DSC3: variants seen among roughly 807,000 people sequenced by gnomAD.
The protein encoded by DSC3 is desmocollin 3, also known as desmocollin-3.
Under a neutral mutation model 89.5 loss-of-function variants are expected in DSC3, and 97 were observed. The observed-to-expected ratio is 1.08, with a 90% CI of 0.92 to 1.28. DSC3 has a LOEUF of 1.28. Among genes scored for constraint, DSC3 ranks in the 50% most tolerant of loss-of-function variants. The pLI, the probability that DSC3 is intolerant of heterozygous loss-of-function variation, is 0.00. For synonymous variants in DSC3, 436 were observed against 384.1 expected (o/e 1.14, Z -1.58); for missense variants, 1,199 against 1,085.3 (o/e 1.10, Z -1.47).
rs1567950936 is a variant in DSC3 at position 31,004,241 on chromosome 18, T to C, written c.2014A>G (p.Thr672Ala). 1.2e-6 allele frequency: 2 copies of C among 1,613,970 alleles called. No homozygotes were observed. The highest frequency in any genetic ancestry group is 8.5e-7 in the Non-Finnish European group (1 of 1,179,910). ...GTCGCACGACACTGAGTTGGATGAGTACATTCACACAGATTAACTCTCAAT... is the reference window on the plus strand; with the variant it reads ...GTCGCACGACACTGAGTTGGATGAGCACATTCACACAGATTAACTCTCAAT... ...KLLRVNLCEC[T>A]HPTQCRATSR... Residue 672 changes from threonine (T) to alanine (A), a missense_variant, in exon 13 of 16, where the codon ACT (threonine) becomes GCT (alanine). By Grantham distance (58) the Thr-to-Ala change is moderately conservative. Transcript: ENST00000360428.
chr18:31,020,499 A>G (rs889593902), intron 7 of DSC3, among the ~76,000 whole-genome samples: 2 of 152,140 alleles, frequency 1.3e-5, no homozygotes, highest in Non-Finnish European at 2.9e-5. Flanking sequence ...TGAAGTCATT[A>G]ATTTGTGGTA....
rs138949508 is a variant in DSC3 at position 31,025,794 on chromosome 18, C to A, written c.596G>T (p.Arg199Leu). Residue 199 changes from arginine to leucine, a missense_variant, in exon 5 of 16, where the codon CGG becomes CTG. Transcript: ENST00000360428. ...ERDTGNLFCTRPVDREEYDVF... is the reference protein window; with the variant it reads ...ERDTGNLFCTLPVDREEYDVF... ...ATCATATTCTTCACGATCCACAGGCCGAGTGCAAAATAGATTTCCAGTGTC... is the reference window on the plus strand; with the variant it reads ...ATCATATTCTTCACGATCCACAGGCAGAGTGCAAAATAGATTTCCAGTGTC... 5 of 1,612,956 alleles carry A rather than the reference C, an allele frequency of 3.1e-6. No individual in the cohort carries two copies. In the African/African-American group the frequency reaches 4.0e-5, roughly 13 times the overall value.
chr18:31,033,984 C>T (rs539283180), intron 1 of DSC3, among the ~76,000 whole-genome samples: 5 of 152,106 alleles, frequency 3.3e-5, no homozygotes, highest in South Asian at 4.1e-4. Flanking sequence ...CTACCACGAT[C>T]GGCTAATTTT....
Position 31,010,963 on chromosome 18 carries a change from G to A in DSC3, c.1264-2438C>T, listed in dbSNP as rs1038967241. Among the ~76,000 whole-genome samples the A allele has an allele frequency of 9.2e-5, 14 of 152,312 alleles. No homozygotes were observed. In the East Asian group the frequency reaches 2.3e-3, roughly 25 times the overall value. On this transcript the variant is annotated intron_variant, in intron 9 of 15. Transcript: ENST00000360428. Reference sequence around the variant, plus strand: ...ATAATAATATCCCACAGTTTACCAAGTGCTGTTACGTTCAATATTATATTT... The same window carrying A: ...ATAATAATATCCCACAGTTTACCAAATGCTGTTACGTTCAATATTATATTT...
chr18:31,034,964 C>T (rs1985924384), intron 1 of DSC3, among the ~76,000 whole-genome samples: 1 of 152,052 alleles, frequency 6.6e-6, no homozygotes, highest in African/African-American at 2.4e-5. Flanking sequence ...CTCAATAATG[C>T]AGTTTAAAAC....
rs998347070 is a variant in DSC3 at position 30,992,478 on chromosome 18, C to T, written c.*1697G>A. 7.9e-5 allele frequency: 12 copies of T among 152,308 alleles called. No individual in the cohort carries two copies. The highest frequency in any genetic ancestry group is 2.6e-4 in the African/African-American group (11 of 41,550). The allele number at this position is 152,308 out of a possible 1,614,324, so 9.4% of individuals were successfully genotyped here. A position where few individuals can be genotyped will look rare whatever the true frequency, so the allele number is the denominator to read the frequency against. ...GCCATAGAGAAGAGGTTGGCTGATC[C>T]CTCACCGGACTCAAATGGCAGTTGC... On this transcript the variant is annotated 3_prime_UTR_variant, in exon 16 of 16. Transcript: ENST00000360428.
chr18:31,018,067 G>C lies in DSC3; in HGVS notation c.1263+4C>G. The C allele has an allele frequency of 1.9e-6, 3 of 1,609,682 alleles. No individual in the cohort carries two copies. The highest frequency in any genetic ancestry group is 2.5e-6 in the Non-Finnish European group (3 of 1,177,112). On this transcript the variant is annotated splice_donor_region_variant and intron_variant, in intron 9 of 15. Coordinates refer to ENST00000360428, the MANE Select transcript of DSC3 (RefSeq NM_001941.5). ...GCTAAGTTGTCAATTATACATTACT[G>C]TACCTTTACAACAGAAAGAACACCT...
chr18:31,030,057 T>C (rs1027176316), intron 3 of DSC3, among the ~76,000 whole-genome samples: 6 of 152,196 alleles, frequency 3.9e-5, no homozygotes, highest in African/African-American at 1.2e-4. Flanking sequence ...AGTGCTCTAT[T>C]TACACAGTCT....
rs566872733 is a variant in DSC3, at chr18:31,009,111, C to T, written c.1264-586G>A. The stretch of plus-strand genomic sequence containing the variant: ...TGTCACCCAGGCTGGAGAGCAGTGG[C>T]GCAATCTTGGCTTACTGCAACCTCT... On this transcript the variant is annotated intron_variant, in intron 9 of 15. Coordinates refer to ENST00000360428, the MANE Select transcript of DSC3 (RefSeq NM_001941.5). Among the ~76,000 whole-genome samples the T allele has an allele frequency of 3.9e-5, 6 of 152,204 alleles. No homozygotes were observed. The South Asian group carries it at 1.2e-3, about 32-fold the overall frequency.
intron 14 of DSC3, among the ~76,000 whole-genome samples, chr18:30,997,597 A>G (rs1389124687): frequency 6.6e-6 from 1 of 152,044 alleles, no homozygotes; most frequent in South Asian, 2.1e-4. Context: ...GACAAATTTC[A>G]CCATAGCAAA....
At position 31,001,758 on chromosome 18, in the gene DSC3, A is replaced by T; in HGVS notation, c.2114-19T>A. The stretch of plus-strand genomic sequence containing the variant: ...AATACAGCTGAATTTAAAAATAAAA[A>T]TAAAATAACTTACTTTAGCATACAT... On this transcript the variant is annotated intron_variant, in intron 13 of 15. Transcript: ENST00000360428. 1 of 1,565,470 alleles carries T rather than the reference A, an allele frequency of 6.4e-7. No homozygotes were observed. The highest frequency in any genetic ancestry group is 1.8e-5 in the Admixed American group (1 of 54,788).
rs765541279 is a variant in DSC3, at chr18:31,018,227, G to C, written c.1107C>G (p.Phe369Leu). Reference sequence around the variant, plus strand: ...TAGGTATTCGTAAGATTTCCACATTGAATGCATTTTCCTCTACAAATGCTT... The same window carrying C: ...TAGGTATTCGTAAGATTTCCACATTCAATGCATTTTCCTCTACAAATGCTT... The part of the protein sequence containing the change: ...AYEAFVEENA[F>L]NVEILRIPIE... Residue 369 changes from phenylalanine to leucine, a missense_variant, in exon 9 of 16, where the codon TTC (phenylalanine) becomes TTG (leucine). Transcript: ENST00000360428. The C allele has an allele frequency of 6.2e-7, 1 of 1,611,308 alleles. No homozygotes were observed. Among genetic ancestry groups the C allele is most frequent in the Non-Finnish European group, 8.5e-7 (1 of 1,178,888 alleles).
intron 14 of DSC3, among the ~76,000 whole-genome samples, chr18:31,000,711 G>A (rs11081675): frequency 0.25 from 38,389 of 151,640 alleles, 5,310 homozygotes; most frequent in East Asian, 0.6. Flanking sequence ...CTCTTCTTTA[G>A]CTATTCTCAC....
chr18:31,011,764 G>A (rs578180315), intron 9 of DSC3, among the ~76,000 whole-genome samples: 5 of 151,664 alleles, frequency 3.3e-5, no homozygotes, highest in Admixed American at 1.3e-4. Flanking sequence ...AGGCCAAGGC[G>A]GGCGGATTGC....
chr18:30,994,245 T>C lies in DSC3; in HGVS notation c.2621A>G (p.Asp874Gly), dbSNP rs1984376025. 1 of 1,614,076 alleles carries C rather than the reference T, an allele frequency of 6.2e-7. No homozygotes were observed. The change falls in exon 16 of 16, where the codon GAT (aspartate) becomes GGT (glycine). Residue 874 changes from aspartate to glycine, a missense_variant. Physicochemically the swap from Asp to Gly is moderately conservative, Grantham distance 94 (BLOSUM62 -1). Transcript: ENST00000360428. The part of the protein sequence containing the change: ...VGCCSEKQEE[D>G]GLDFLNNLEP... The stretch of plus-strand genomic sequence containing the variant: ...CAAATTATTTAAAAAGTCAAGGCCA[T>C]CTTCTTCCTGCTTTTCACTGCAGCA...
At chr18:31,042,462 C>T (rs2144750055) in intron 1 of DSC3, 130 bp downstream of exon 1, 1 of 940,932 alleles carries the variant, frequency 1.1e-6, no homozygotes, top group South Asian at 1.4e-5. Flanking sequence ...GGGGCTGCTA[C>T]CAGACCCGCA....
chr18:31,017,408 G>T (rs1985271634), intron 9 of DSC3, among the ~76,000 whole-genome samples: 1 of 152,130 alleles, frequency 6.6e-6, no homozygotes, highest in Non-Finnish European at 1.5e-5. Flanking sequence ...TAAAACCAAT[G>T]ATCCTTTTCA....
At chr18:31,024,088 G>C (rs1985513770) in intron 6 of DSC3, among the ~76,000 whole-genome samples, 1 of 152,072 alleles carries the variant, frequency 6.6e-6, no homozygotes, top group Non-Finnish European at 1.5e-5. Context: ...TATATAAACT[G>C]AATATTACAC....
chr18:31,001,764 T>C (rs776315080), intron 13 of DSC3, 25 bp from the exon 14 acceptor site: 8 of 1,542,014 alleles, frequency 5.2e-6, no homozygotes, highest in Non-Finnish European at 7.1e-6. Flanking sequence ...AAAAATAAAA[T>C]AACTTACTTT....
Sources: allele counts gnomAD v4.1 joint callset (sites outside exome capture counted in the v4.1 genomes callset), GRCh38; gene constraint gnomAD v4.1.1; transcripts MANE v1.5; gene names NCBI Gene and HGNC (gene_info 2026-07-23, HGNC 2026-07-21).